Variants in HSPBAP1 observed in about 807,000 individuals in gnomAD.
The protein encoded by HSPBAP1 is HSPB1-associated protein 1.
In HSPBAP1, 27 loss-of-function variants were observed where a neutral mutation model predicts 45.2. That is an observed-to-expected ratio of 0.60 (90% CI 0.44 to 0.82). The LOEUF (loss-of-function observed/expected upper bound fraction) is 0.82. Among genes scored for constraint, HSPBAP1 ranks in the 40% least tolerant of loss-of-function variants. The probability of loss-of-function intolerance (pLI) is 0.00; values close to 1 mark genes in which losing one functional copy is unlikely to be tolerated. For synonymous variants in HSPBAP1, 204 were observed against 202.7 expected (o/e 1.01, Z -0.06); for missense variants, 510 against 590.9 (o/e 0.86, Z 1.42).
At chr3:122,758,978 C>T in intron 4 of HSPBAP1, 1 of 414,798 alleles carries the variant, frequency 2.4e-6, no homozygotes, top group Non-Finnish European at 4.5e-6. Flanking sequence ...AGAATAAACT[C>T]TCTGAAGACA....
Position 122,783,940 on chromosome 3 carries a change from C to G in HSPBAP1, c.65-6034G>C, listed in dbSNP as rs764006115. 2.0e-4 allele frequency among the ~76,000 whole-genome samples: 31 copies of G among 152,188 alleles called. 1 individual carries two copies. In the Middle Eastern group the frequency reaches 0.02, roughly 100 times the overall value. On this transcript the variant is annotated intron_variant, in intron 1 of 7. Coordinates refer to ENST00000306103, the MANE Select transcript of HSPBAP1 (RefSeq NM_024610.6). ...CCGCCTCCCGGGTTCACGCCATTCT[C>G]CTGCCTTAGCCTCCTGAGTAGCTGG...
At chr3:122,789,396 T>G (rs896520629) in intron 1 of HSPBAP1, among the ~76,000 whole-genome samples, 1 of 152,218 alleles carries the variant, frequency 6.6e-6, no homozygotes, top group Admixed American at 6.5e-5. Flanking sequence ...CTCAAATAAC[T>G]GCAATTTTTA....
intron 5 of HSPBAP1, 109 bp from the exon 6 acceptor site, chr3:122,752,783 C>T: frequency 7.2e-7 from 1 of 1,398,074 alleles, no homozygotes; most frequent in Non-Finnish European, 9.4e-7. Context: ...CAAATGAATT[C>T]ACAATAATAT....
At chr3:122,782,944 C>T (rs1275143092) in intron 1 of HSPBAP1, among the ~76,000 whole-genome samples, 1 of 152,202 alleles carries the variant, frequency 6.6e-6, no homozygotes, top group African/African-American at 2.4e-5. Context: ...CTTGGAATCC[C>T]TTCTTAAGCC....
intron 6 of HSPBAP1, among the ~76,000 whole-genome samples, chr3:122,744,778 G>A (rs907433936): frequency 6.6e-5 from 10 of 152,164 alleles, no homozygotes; most frequent in African/African-American, 2.4e-4. Flanking sequence ...AGTCTTTCAT[G>A]TTATTGAGGC....
chr3:122,767,865 T>G (rs985423123), intron 3 of HSPBAP1, among the ~76,000 whole-genome samples: 3 of 151,370 alleles, frequency 2.0e-5, no homozygotes, highest in Non-Finnish European at 4.4e-5. Context: ...GGAGAAGGGG[T>G]GAACAGCCTG....
chr3:122,792,506 C>T (rs1056284019), intron 1 of HSPBAP1, among the ~76,000 whole-genome samples: 2 of 152,066 alleles, frequency 1.3e-5, no homozygotes, highest in South Asian at 2.1e-4. Context: ...TTTGTTTCTT[C>T]TGCTTGGAAT....
chr3:122,753,815 A>AGTTT, intron 5 of HSPBAP1: 1 of 985,220 alleles, frequency 1.0e-6, no homozygotes, highest in Non-Finnish European at 1.2e-6. Flanking sequence ...GGTGACAGAA[A>AGTTT]GAGCTGGGTT....
intron 3 of HSPBAP1, among the ~76,000 whole-genome samples, chr3:122,762,522 C>A (rs1934630639): frequency 6.6e-6 from 1 of 152,198 alleles, no homozygotes; most frequent in Admixed American, 6.5e-5. Context: ...TTGGGCCTCC[C>A]TGTCTCTTAC....
intron 1 of HSPBAP1, among the ~76,000 whole-genome samples, chr3:122,784,861 T>C (rs956929739): frequency 2.6e-5 from 4 of 152,130 alleles, no homozygotes; most frequent in African/African-American, 7.2e-5. Context: ...ACCATACATT[T>C]AACTGTTTAA....
chr3:122,771,741 T>C (rs971690761), intron 2 of HSPBAP1, among the ~76,000 whole-genome samples: 3 of 152,210 alleles, frequency 2.0e-5, no homozygotes, highest in Admixed American at 6.5e-5. Context: ...CAAAATGCTA[T>C]GTGATGTTCT....
intron 6 of HSPBAP1, 99 bp from the exon 7 acceptor site, chr3:122,741,212 T>C (rs1262360847): frequency 2.2e-6 from 2 of 899,634 alleles, no homozygotes; most frequent in Non-Finnish European, 3.5e-6. Flanking sequence ...CTCTCATTAA[T>C]ATAAGCTTTG....
At position 122,740,330 on chromosome 3, in the gene HSPBAP1, C is replaced by T. The variant is rs1227962644; in HGVS notation, c.*15G>A. ...ATTTAAAAAATATTATTTTAAAAGT[C>T]ATCTTCCACTTGAATCATAAACTTC... On this transcript the variant is annotated 3_prime_UTR_variant, in exon 8 of 8. Transcript: ENST00000306103. The T allele has an allele frequency of 4.7e-6, 7 of 1,503,598 alleles. No homozygotes were observed. The African/African-American group carries it at 9.8e-5, about 21-fold the overall frequency. 93.1% of individuals were successfully genotyped at this position (1,503,598 alleles called of 1,614,324 possible).
At chr3:122,773,575 CA>C (rs1935086728) in intron 2 of HSPBAP1, among the ~76,000 whole-genome samples, 1 of 151,946 alleles carries the variant, frequency 6.6e-6, no homozygotes, top group Admixed American at 6.5e-5. Context: ...CTTGGCCCCC[CA>C]AAGTGCTAGG....
chr3:122,780,664 A>G (rs1427588652), intron 1 of HSPBAP1, among the ~76,000 whole-genome samples: 1 of 135,842 alleles, frequency 7.4e-6, no homozygotes, highest in Non-Finnish European at 1.6e-5. Flanking sequence ...TGACCCCCCC[A>G]CCTCCCTCCC....
intron 1 of HSPBAP1, among the ~76,000 whole-genome samples, chr3:122,778,519 T>A (rs541535211): frequency 0.17 from 19,320 of 116,132 alleles, 1,439 homozygotes; most frequent in Middle Eastern, 0.26. Context: ...TTTCTTTTTT[T>A]TTTATTTTTT....
At chr3:122,752,935 A>C in intron 5 of HSPBAP1, 1 of 1,154,136 alleles carries the variant, frequency 8.7e-7, no homozygotes, top group Non-Finnish European at 1.1e-6. Context: ...CTTTGTCTGC[A>C]CCTAAATCTT....
At chr3:122,757,691 A>G (rs761251397) in intron 4 of HSPBAP1, among the ~76,000 whole-genome samples, 9 of 152,204 alleles carry the variant, frequency 5.9e-5, no homozygotes, top group Non-Finnish European at 1.2e-4. Flanking sequence ...TATTTACTAA[A>G]GCTATTTTAT....
chr3:122,740,882 G>A lies in HSPBAP1; in HGVS notation c.937-7C>T, dbSNP rs1397313412. ...CATGGGACGTTTCCTCAACCTAAGGGAAGAGAAAAACCTTTTAAAATGGTT... is the reference window on the plus strand; with the variant it reads ...CATGGGACGTTTCCTCAACCTAAGGAAAGAGAAAAACCTTTTAAAATGGTT... On this transcript the variant is annotated splice_region_variant and splice_polypyrimidine_tract_variant and intron_variant, in intron 7 of 7. Transcript: ENST00000306103. 1 of 1,612,448 alleles carries A rather than the reference G, an allele frequency of 6.2e-7. No homozygotes were observed. The highest frequency in any genetic ancestry group is 8.5e-7 in the Non-Finnish European group (1 of 1,179,192).
Sources: allele counts gnomAD v4.1 joint callset (sites outside exome capture counted in the v4.1 genomes callset), GRCh38; gene constraint gnomAD v4.1.1; transcripts MANE v1.5; gene names NCBI Gene and HGNC (gene_info 2026-07-23, HGNC 2026-07-21).